SMIM20: variants seen among roughly 807,000 people sequenced by gnomAD.
SMIM20 encodes the protein mitochondrial translation regulation assembly intermediate of cytochrome c oxidase protein of 7 kDa.
A neutral mutation model predicts 8.7 loss-of-function variants in SMIM20; 3 were observed. The observed-to-expected ratio is 0.34, with a 90% confidence interval of 0.16 to 0.89. The LOEUF (loss-of-function observed/expected upper bound fraction) is 0.89, where lower values mean the gene tolerates loss of function less well. SMIM20 is among the 40% of genes least tolerant of loss of function. SMIM20 has a pLI of 0.49. For synonymous variants in SMIM20, 44 were observed against 33.6 expected (o/e 1.31, Z -1.07); for missense variants, 85 against 84.8 (o/e 1.00, Z -0.01).
chr4:25,921,152 CGGGAA>C (rs945467104), intron 1 of SMIM20, among the ~76,000 whole-genome samples: 2 of 152,124 alleles, frequency 1.3e-5, no homozygotes, highest in African/African-American at 4.8e-5. Flanking sequence ...AGGCCAGGTA[CGGGAA>C]GGCTGTGTTT....
At chr4:25,916,587 CCT>C (rs1719097315) in intron 1 of SMIM20, among the ~76,000 whole-genome samples, 1 of 151,842 alleles carries the variant, frequency 6.6e-6, no homozygotes, top group Non-Finnish European at 1.5e-5. Flanking sequence ...AGACAGTCTC[CCT>C]CTGTCGCCCA....
intron 1 of SMIM20, among the ~76,000 whole-genome samples, chr4:25,924,474 AAAAT>A (rs1313672332): frequency 6.6e-6 from 1 of 152,174 alleles, no homozygotes; most frequent in African/African-American, 2.4e-5. Context: ...TCTTTCTCAA[AAAAT>A]AAATAAATAA....
intron 1 of SMIM20, among the ~76,000 whole-genome samples, chr4:25,915,853 A>AAG (rs1719078032): frequency 7.8e-4 from 8 of 10,192 alleles, no homozygotes; most frequent in African/African-American, 3.4e-3. Context: ...ACAACTTGGG[A>AAG]TGGGGCGGGG....
intron 1 of SMIM20, among the ~76,000 whole-genome samples, chr4:25,927,868 T>C (rs1158243026): frequency 6.6e-6 from 1 of 152,234 alleles, no homozygotes; most frequent in Non-Finnish European, 1.5e-5. Context: ...ATCAAAAACA[T>C]AGCATATTTA....
chr4:25,920,110 G>C (rs1226169426), intron 1 of SMIM20, among the ~76,000 whole-genome samples: 2 of 152,192 alleles, frequency 1.3e-5, no homozygotes, highest in Admixed American at 6.5e-5. Flanking sequence ...TTTTTGAAAA[G>C]TTTGTCACGC....
chr4:25,914,241 C>G lies in SMIM20; in HGVS notation c.-73C>G. On this transcript the variant is annotated 5_prime_UTR_variant, in exon 1 of 3. Coordinates refer to ENST00000506197, the MANE Select transcript of SMIM20 (RefSeq NM_001145432.3). ...CCACCTCTTCCGAGCGGGGTCACGG[C>G]CCGGCCGTCGGTAACCTGGTTTCCG... 6.6e-7 allele frequency: 1 copy of G among 1,509,486 alleles called. No homozygotes were observed. Among genetic ancestry groups the G allele is most frequent in the Non-Finnish European group, 8.9e-7 (1 of 1,122,680 alleles). 93.5% of individuals were successfully genotyped at this position (1,509,486 alleles called of 1,614,324 possible).
At position 25,914,398 on chromosome 4, in the gene SMIM20, C is replaced by A. The variant is rs1719037918; in HGVS notation, c.85C>A (p.Pro29Thr). 2.0e-6 allele frequency: 3 copies of A among 1,528,482 alleles called. No individual in the cohort carries two copies. Among genetic ancestry groups the A allele is most frequent in the South Asian group, 2.5e-5 (2 of 81,470 alleles). 94.7% of individuals were successfully genotyped at this position (1,528,482 alleles called of 1,614,324 possible). The change falls in exon 1 of 3, where the codon CCC becomes ACC. Residue 29 changes from proline to threonine, a missense_variant. Coordinates refer to ENST00000506197, the MANE Select transcript of SMIM20 (RefSeq NM_001145432.3). ...GAAFYPIYFR[P>T]LMRLEEYKKE... ...CGCCTTCTATCCCATCTACTTCCGGCCCCTAATGAGATTGGAGGAGTACAG... is the reference window on the plus strand; with the variant it reads ...CGCCTTCTATCCCATCTACTTCCGGACCCTAATGAGATTGGAGGAGTACAG...
chr4:25,926,003 A>T (rs1719285737), intron 1 of SMIM20, among the ~76,000 whole-genome samples: 1 of 152,112 alleles, frequency 6.6e-6, no homozygotes, highest in South Asian at 2.1e-4. Context: ...TGGAGTGGGG[A>T]GTTTTTTAAC....
chr4:25,927,950 T>C (rs1253088305), intron 1 of SMIM20, among the ~76,000 whole-genome samples: 1 of 152,258 alleles, frequency 6.6e-6, no homozygotes, highest in Non-Finnish European at 1.5e-5. Flanking sequence ...ATTGTACTTG[T>C]TCCTTCAATT....
chr4:25,919,624 A>G (rs1719164100), intron 1 of SMIM20, among the ~76,000 whole-genome samples: 1 of 152,160 alleles, frequency 6.6e-6, no homozygotes, highest in Non-Finnish European at 1.5e-5. Context: ...TTAGGATTAC[A>G]GGCATGAGCC....
chr4:25,919,655 C>T (rs1206224575), intron 1 of SMIM20, among the ~76,000 whole-genome samples: 2 of 152,128 alleles, frequency 1.3e-5, no homozygotes, highest in Non-Finnish European at 2.9e-5. Context: ...GCCTTCTGTT[C>T]TATTTCTATG....
intron 1 of SMIM20, among the ~76,000 whole-genome samples, chr4:25,920,062 A>C (rs1406446331): frequency 6.6e-6 from 1 of 152,186 alleles, no homozygotes; most frequent in African/African-American, 2.4e-5. Context: ...GTTTTTGTCT[A>C]TTGGAAAATG....
At chr4:25,924,510 A>T (rs1482024105) in intron 1 of SMIM20, among the ~76,000 whole-genome samples, 1 of 152,208 alleles carries the variant, frequency 6.6e-6, no homozygotes, top group East Asian at 1.9e-4. Context: ...TCAAACTGAC[A>T]AAAGATCCAA....
At chr4:25,917,366 C>T (rs573426097) in intron 1 of SMIM20, among the ~76,000 whole-genome samples, 1 of 152,176 alleles carries the variant, frequency 6.6e-6, no homozygotes, top group East Asian at 1.9e-4. Context: ...GGTGTGGAAA[C>T]ACCTACTATA....
chr4:25,915,062 G>T (rs1719058841), intron 1 of SMIM20, among the ~76,000 whole-genome samples: 1 of 152,114 alleles, frequency 6.6e-6, no homozygotes, highest in African/African-American at 2.4e-5. Flanking sequence ...GATGTTTTTT[G>T]AGTGGGACTG....
chr4:25,914,366 T>G lies in SMIM20; in HGVS notation c.53T>G (p.Ile18Ser). 1 of 1,549,232 alleles carries G rather than the reference T, an allele frequency of 6.5e-7. No homozygotes were observed. Among genetic ancestry groups the G allele is most frequent in the Non-Finnish European group, 8.7e-7 (1 of 1,145,492 alleles). Residue 18 changes from isoleucine (I) to serine (S), a missense_variant, in exon 1 of 3, where the codon ATC (isoleucine) becomes AGC (serine). Physicochemically the swap from Ile to Ser is moderately radical, Grantham distance 142. Coordinates refer to ENST00000506197, the MANE Select transcript of SMIM20 (RefSeq NM_001145432.3). The stretch of plus-strand genomic sequence containing the variant: ...ATTTTCGGCGGCTTCATCTCCCTGA[T>G]CGGCGCCGCCTTCTATCCCATCTAC... ...ALIFGGFISL[I>S]GAAFYPIYFR...
chr4:25,918,889 C>CTTTTT (rs775952783), intron 1 of SMIM20, among the ~76,000 whole-genome samples: 5 of 91,696 alleles, frequency 5.5e-5, no homozygotes, highest in Non-Finnish European at 6.5e-5. Flanking sequence ...ATGTGAATAT[C>CTTTTT]TTTTTTTTTT....
At chr4:25,917,986 A>T (rs1249662465) in intron 1 of SMIM20, among the ~76,000 whole-genome samples, 1 of 129,692 alleles carries the variant, frequency 7.7e-6, no homozygotes, top group East Asian at 2.3e-4. Context: ...TCTTTCGCCC[A>T]GGCTGGAGTG....
intron 1 of SMIM20, among the ~76,000 whole-genome samples, chr4:25,923,568 C>T (rs1253777999): frequency 6.6e-6 from 1 of 152,160 alleles, no homozygotes; most frequent in Admixed American, 6.5e-5. Context: ...CCTCATGATG[C>T]CTTCAGACAG....
Sources: allele counts gnomAD v4.1 joint callset (sites outside exome capture counted in the v4.1 genomes callset), GRCh38; gene constraint gnomAD v4.1.1; transcripts MANE v1.5; gene names NCBI Gene and HGNC (gene_info 2026-07-23, HGNC 2026-07-21).